The following LUC7L2 variants were observed in gnomAD, a reference collection of about 807,000 sequenced individuals.
LUC7L2 encodes the protein LUC7 like 2, pre-mRNA splicing factor.
In LUC7L2, 25 loss-of-function variants were observed where a neutral mutation model predicts 52.8. The observed-to-expected ratio is 0.47, with a 90% CI of 0.34 to 0.66. The LOEUF is 0.66. LUC7L2 is among the 30% of genes least tolerant of loss of function. The pLI is 0.01. For missense variants in LUC7L2, 328 were observed against 497.8 expected (o/e 0.66, Z 3.25); for synonymous variants, 144 against 160.9 (o/e 0.89, Z 0.80).
At chr7:139,365,993 T>C (rs1242365355) in intron 1 of LUC7L2, among the ~76,000 whole-genome samples, 2 of 152,238 alleles carry the variant, frequency 1.3e-5, no homozygotes, top group Admixed American at 6.5e-5. Flanking sequence ...TGCAAGATTA[T>C]TGAGGATATA....
intron 1 of LUC7L2, among the ~76,000 whole-genome samples, chr7:139,365,546 T>C (rs924601691): frequency 1.3e-5 from 2 of 152,010 alleles, no homozygotes; most frequent in African/African-American, 4.8e-5. Context: ...CAGTAACAGG[T>C]GGTTCATACA....
In LUC7L2 at chr7:139,360,105, TTCCCGCAACCCCTC is replaced by T. The variant is rs1569365992; in HGVS notation, c.-156_-143del. 4 of 588,732 alleles carry T rather than the reference TTCCCGCAACCCCTC, an allele frequency of 6.8e-6. No individual in the cohort carries two copies. The highest frequency in any genetic ancestry group is 1.2e-5 in the Non-Finnish European group (4 of 335,410). 36.5% of individuals were successfully genotyped at this position (588,732 alleles called of 1,614,324 possible). On this transcript the variant is annotated 5_prime_UTR_variant, in exon 1 of 10. Transcript: ENST00000354926. ...GTCGTGAGGAGCGCAGTCCGGACTC[TTCCCGCAACCCCTC>T]CGGCTCCCTTTCCGCACGCCTCGAG...
intron 4 of LUC7L2, among the ~76,000 whole-genome samples, chr7:139,404,361 TAGCC>T (rs895785186): frequency 6.6e-6 from 1 of 152,050 alleles, no homozygotes; most frequent in Non-Finnish European, 1.5e-5. Context: ...ACTGCAAAAT[TAGCC>T]AGGCATGGTG....
At position 139,341,324 on chromosome 7, in the gene LUC7L2, A is replaced by C; in HGVS notation, c.-26+807A>C. ...CCGTACCATTAGGCGCCTGGGCCGG[A>C]GGAGGGGTTTTCAGGGTCGTAGGAC... On this transcript the variant is annotated intron_variant, in intron 1 of 10. Transcript: ENST00000541170. 3 of 1,560,988 alleles carry C rather than the reference A, an allele frequency of 1.9e-6. No individual in the cohort carries two copies. In the East Asian group the frequency reaches 6.9e-5, roughly 36 times the overall value.
At chr7:139,343,979 G>T (rs1024146241) in intron 1 of LUC7L2, among the ~76,000 whole-genome samples, 5 of 151,114 alleles carry the variant, frequency 3.3e-5, no homozygotes, top group Non-Finnish European at 7.4e-5. Flanking sequence ...GTAGGCAGTG[G>T]TGCCCAGATT....
At chr7:139,408,189 C>T (rs1378087715) in intron 6 of LUC7L2, among the ~76,000 whole-genome samples, 1 of 152,150 alleles carries the variant, frequency 6.6e-6, no homozygotes, top group Non-Finnish European at 1.5e-5. Context: ...TCTCAGGTAA[C>T]AGTGGGCTCT....
chr7:139,412,642 A>G, intron 8 of LUC7L2, 62 bp downstream of exon 8: 1 of 1,537,424 alleles, frequency 6.5e-7, no homozygotes, highest in South Asian at 1.3e-5. Context: ...GGTAGTTTTT[A>G]TAGATTGATT....
intron 2 of LUC7L2, among the ~76,000 whole-genome samples, chr7:139,389,585 A>T (rs1463057349): frequency 6.6e-6 from 1 of 152,208 alleles, no homozygotes; most frequent in Non-Finnish European, 1.5e-5. Context: ...TTTAATAAAG[A>T]TAGCCCTCTT....
chr7:139,378,673 G>A (rs1800838839), intron 2 of LUC7L2, among the ~76,000 whole-genome samples: 1 of 152,166 alleles, frequency 6.6e-6, no homozygotes, highest in African/African-American at 2.4e-5. Flanking sequence ...ATAAAGAGGT[G>A]TAAACTATCA....
At position 139,402,330 on chromosome 7, in the gene LUC7L2, TG is replaced by T. The variant is rs1172146506; in HGVS notation, c.366+84del. On this transcript the variant is annotated intron_variant, in intron 4 of 9. Coordinates refer to ENST00000354926, the MANE Select transcript of LUC7L2 (RefSeq NM_016019.5). ...GTTTTTATTTTGAAATAATTAGATT[TG>T]CAAGAGATTGCAAAGACATATACAA... is the stretch of plus-strand genomic sequence containing the variant. The T allele has an allele frequency of 9.2e-6, 12 of 1,301,284 alleles. No homozygotes were observed. The East Asian group carries it at 3.3e-4, about 36-fold the overall frequency. The allele number at this position is 1,301,284 out of a possible 1,614,324, so 80.6% of individuals were successfully genotyped here. A position where few individuals can be genotyped will look rare whatever the true frequency, so the allele number is the denominator to read the frequency against.
chr7:139,380,839 T>C (rs1168543713), intron 2 of LUC7L2, among the ~76,000 whole-genome samples: 1 of 152,186 alleles, frequency 6.6e-6, no homozygotes, highest in Non-Finnish European at 1.5e-5. Context: ...GAAATTGACA[T>C]GCTTTAAAAA....
At chr7:139,371,342 G>T (rs538384467) in intron 1 of LUC7L2, 1 of 756,126 alleles carries the variant, frequency 1.3e-6, no homozygotes. Flanking sequence ...AAACTTTAAG[G>T]TTCTTTTGAA....
chr7:139,417,784 T>G, intron 9 of LUC7L2, 55 bp downstream of exon 9: 1 of 1,548,760 alleles, frequency 6.5e-7, no homozygotes, highest in Non-Finnish European at 8.7e-7. Context: ...TAGAGTTGTT[T>G]ATGTTTACTT....
At chr7:139,401,706 G>T (rs918388689) in intron 3 of LUC7L2, among the ~76,000 whole-genome samples, 2 of 151,130 alleles carry the variant, frequency 1.3e-5, no homozygotes, top group Non-Finnish European at 2.9e-5. Context: ...ACCTGCTTCG[G>T]CCTCCCAAAG....
At chr7:139,407,149 C>A in intron 5 of LUC7L2, 25 bp from the exon 6 acceptor site, 2 of 1,594,792 alleles carry the variant, frequency 1.3e-6, no homozygotes, top group South Asian at 1.1e-5. Context: ...TTTATATGGT[C>A]ATTGTTTTTC....
At chr7:139,416,040 A>AATT (rs1795587292) in intron 8 of LUC7L2, 1 of 97,744 alleles carries the variant, frequency 1.0e-5, no homozygotes, top group South Asian at 3.9e-4. Context: ...TGAGGTATAA[A>AATT]ATATATATAT....
intron 1 of LUC7L2, chr7:139,340,583 C>T (rs2131128296): frequency 2.5e-6 from 1 of 397,644 alleles, no homozygotes; most frequent in Non-Finnish European, 4.4e-6. Flanking sequence ...ATACGTCACC[C>T]CTCACGTGGG....
intron 2 of LUC7L2, among the ~76,000 whole-genome samples, chr7:139,381,645 C>T (rs1439407056): frequency 2.6e-5 from 4 of 151,536 alleles, no homozygotes; most frequent in Middle Eastern, 3.2e-3. Context: ...GGTTTGATCT[C>T]GGCTCACTGC....
Position 139,387,711 on chromosome 7 carries a change from G to C in LUC7L2, c.157-10888G>C, listed in dbSNP as rs373529212. On this transcript the variant is annotated intron_variant, in intron 2 of 9. Transcript: ENST00000354926. ...TGAAAAATCTAAAATACTTACCCAG[G>C]CTACTTCTCCCTTGAATGAATAAAT... 9.2e-5 allele frequency among the ~76,000 whole-genome samples: 14 copies of C among 152,180 alleles called. No individual in the cohort carries two copies. In the East Asian group the frequency reaches 1.4e-3, roughly 15 times the overall value.
Sources: gnomAD v4.1 joint callset for allele counts (sites outside exome capture counted in the v4.1 genomes callset) on GRCh38, gnomAD v4.1.1 for gene constraint, MANE v1.5 for transcripts, NCBI Gene and HGNC (gene_info 2026-07-23, HGNC 2026-07-21) for gene names.